Variants in DNAJC5B observed in about 807,000 individuals in gnomAD.
The protein encoded by DNAJC5B is dnaJ homolog subfamily C member 5B.
In DNAJC5B, 23 loss-of-function variants were observed where a neutral mutation model predicts 24.7. The ratio of observed to expected loss-of-function variants is 0.93; its 90% CI spans 0.67 to 1.32. The LOEUF (loss-of-function observed/expected upper bound fraction) is 1.32. Among genes scored for constraint, DNAJC5B ranks in the 40% most tolerant of loss-of-function variants. DNAJC5B has a pLI of 0.00. For synonymous variants in DNAJC5B, 101 were observed against 90.1 expected (o/e 1.12, Z -0.68); for missense variants, 238 against 240.8 (o/e 0.99, Z 0.08).
At chr8:66,020,037 AG>A (rs1806069980), upstream of DNAJC5B, among the ~76,000 whole-genome samples, 1 of 152,224 alleles carries the variant, frequency 6.6e-6, no homozygotes, top group African/African-American at 2.4e-5. Flanking sequence ...TGTTACTCAA[AG>A]GGTTGCTTAA....
At chr8:66,049,833 C>T (rs1806807962) in intron 2 of DNAJC5B, among the ~76,000 whole-genome samples, 1 of 152,234 alleles carries the variant, frequency 6.6e-6, no homozygotes, top group Non-Finnish European at 1.5e-5. Flanking sequence ...GAAAATTATG[C>T]TCCTCTGTGC....
At chr8:66,039,247 C>A (rs1806553982) in intron 1 of DNAJC5B, among the ~76,000 whole-genome samples, 1 of 152,136 alleles carries the variant, frequency 6.6e-6, no homozygotes, top group Non-Finnish European at 1.5e-5. Context: ...AAGCCAGAGT[C>A]CACTGTTCAC....
chr8:66,077,740 C>T (rs1456677282), intron 4 of DNAJC5B, among the ~76,000 whole-genome samples: 1 of 152,144 alleles, frequency 6.6e-6, no homozygotes, highest in Non-Finnish European at 1.5e-5. Flanking sequence ...CTAAATCTTG[C>T]TAAATTGAGT....
intron 5 of DNAJC5B, among the ~76,000 whole-genome samples, chr8:66,091,670 T>A (rs1461901659): frequency 6.6e-6 from 1 of 152,024 alleles, no homozygotes; most frequent in Admixed American, 6.6e-5. Flanking sequence ...ACCATCAAAA[T>A]GAAACATGAT....
At chr8:66,071,713 G>T (rs1807353273) in intron 3 of DNAJC5B, among the ~76,000 whole-genome samples, 2 of 152,078 alleles carry the variant, frequency 1.3e-5, no homozygotes, top group Non-Finnish European at 2.9e-5. Flanking sequence ...TATACCCAAA[G>T]GATTATAAAT....
At position 66,100,225 on chromosome 8, in the gene DNAJC5B, A is replaced by C. The variant is rs2128967845; in HGVS notation, c.*194A>C. ...TTCTCTCTGAGTAGAATTTCTTATGAAACACATTCAATTTGGGTGAATAAA... is the reference window on the plus strand; with the variant it reads ...TTCTCTCTGAGTAGAATTTCTTATGCAACACATTCAATTTGGGTGAATAAA... On this transcript the variant is annotated 3_prime_UTR_variant, in exon 6 of 6. Transcript: ENST00000276570. 1.9e-6 allele frequency: 1 copy of C among 520,228 alleles called. No homozygotes were observed. The highest frequency in any genetic ancestry group is 3.1e-5 in the East Asian group (1 of 32,228). 32.2% of individuals were successfully genotyped at this position (520,228 alleles called of 1,614,324 possible).
intron 5 of DNAJC5B, among the ~76,000 whole-genome samples, chr8:66,081,673 G>A (rs1307148618): frequency 6.6e-6 from 1 of 152,078 alleles, no homozygotes; most frequent in African/African-American, 2.4e-5. Context: ...AGAGGAAGGG[G>A]TCTTCAATCA....
rs1586126076 is a variant in DNAJC5B at position 66,099,979 on chromosome 8, A to C, written c.548A>C (p.Glu183Ala). 1 of 1,614,086 alleles carries C rather than the reference A, an allele frequency of 6.2e-7. No individual in the cohort carries two copies. The highest frequency in any genetic ancestry group is 8.5e-7 in the Non-Finnish European group (1 of 1,179,958). Reference sequence around the variant, plus strand: ...TTTCTCCAGCCTACAAATGCAAATGAGAAAACACAGCTAATCAAAGAAGGA... The same window carrying C: ...TTTCTCCAGCCTACAAATGCAAATGCGAAAACACAGCTAATCAAAGAAGGA... ...PVFLQPTNAN[E>A]KTQLIKEGSR... is the part of the protein sequence containing the mutation. The change falls in exon 6 of 6, where the codon GAG becomes GCG. Residue 183 changes from glutamate (E) to alanine (A), a missense_variant. By Grantham distance (107) the Glu-to-Ala change is moderately radical. Transcript: ENST00000276570.
intron 3 of DNAJC5B, chr8:66,057,455 T>C (rs1476981554): frequency 6.6e-6 from 1 of 152,102 alleles, no homozygotes; most frequent in Admixed American, 6.5e-5. Flanking sequence ...AGATCCAACA[T>C]TTATAGCATT....
intron 5 of DNAJC5B, among the ~76,000 whole-genome samples, chr8:66,097,377 GAAC>G (rs1183313480): frequency 6.6e-6 from 1 of 151,538 alleles, no homozygotes; most frequent in Non-Finnish European, 1.5e-5. Flanking sequence ...CCCTCCTCTT[GAAC>G]AATACAAGAA....
chr8:66,021,835 G>C (rs929886172), intron 1 of DNAJC5B, 130 bp downstream of exon 1: 11 of 152,254 alleles, frequency 7.2e-5, no homozygotes, highest in Admixed American at 7.2e-4. Flanking sequence ...CAGCCAGGCT[G>C]CTTGCCATGA....
intron 5 of DNAJC5B, 65 bp from the exon 6 acceptor site, chr8:66,099,872 C>T: frequency 2.1e-6 from 3 of 1,431,128 alleles, no homozygotes; most frequent in South Asian, 1.2e-5. Flanking sequence ...ATACCTATCA[C>T]TTGCTTCATT....
At chr8:66,031,900 T>G (rs546281591) in intron 1 of DNAJC5B, among the ~76,000 whole-genome samples, 5 of 152,244 alleles carry the variant, frequency 3.3e-5, no homozygotes, top group African/African-American at 4.8e-5. Flanking sequence ...ATCTGGGCAC[T>G]CTGCAGCCTA....
At chr8:66,091,586 G>T (rs892143402) in intron 5 of DNAJC5B, among the ~76,000 whole-genome samples, 1 of 152,114 alleles carries the variant, frequency 6.6e-6, no homozygotes, top group Non-Finnish European at 1.5e-5. Flanking sequence ...TCAAGTAATC[G>T]AATGAAGCAG....
rs538253108 is a variant in DNAJC5B, at chr8:66,023,161, C to G, written c.-142+1456C>G. Among the ~76,000 whole-genome samples, 28 of 152,288 alleles carry G rather than the reference C, an allele frequency of 1.8e-4. 1 individual carries two copies. In the East Asian group the frequency reaches 5.0e-3, roughly 27 times the overall value. On this transcript the variant is annotated intron_variant, in intron 1 of 5. Transcript: ENST00000276570. ...AAGTGTCTCAGCTAAGGGTATCAAGCTAGTTAGTGCTGGGGACTAAAGTTT... is the reference window on the plus strand; with the variant it reads ...AAGTGTCTCAGCTAAGGGTATCAAGGTAGTTAGTGCTGGGGACTAAAGTTT...
intron 3 of DNAJC5B, among the ~76,000 whole-genome samples, chr8:66,074,909 C>T (rs774528718): frequency 5.9e-5 from 9 of 152,150 alleles, no homozygotes; most frequent in Non-Finnish European, 1.0e-4. Context: ...TTCCAGCTCT[C>T]CGAATTTGCC....
chr8:66,083,423 T>A (rs1255853110), intron 5 of DNAJC5B, among the ~76,000 whole-genome samples: 1 of 152,216 alleles, frequency 6.6e-6, no homozygotes, highest in African/African-American at 2.4e-5. Flanking sequence ...GCTTTACAAC[T>A]CATTATTGAT....
chr8:66,093,044 C>G (rs1453589546), intron 5 of DNAJC5B, among the ~76,000 whole-genome samples: 1 of 152,080 alleles, frequency 6.6e-6, no homozygotes, highest in Non-Finnish European at 1.5e-5. Flanking sequence ...TCAGCGTTGT[C>G]CTTCTGAGAT....
At chr8:66,083,868 A>G (rs1807659728) in intron 5 of DNAJC5B, among the ~76,000 whole-genome samples, 1 of 152,192 alleles carries the variant, frequency 6.6e-6, no homozygotes, top group African/African-American at 2.4e-5. Context: ...TCAGACAGAG[A>G]AATGTGATGG....
Sources: gnomAD v4.1 joint callset for allele counts (sites outside exome capture counted in the v4.1 genomes callset) on GRCh38, gnomAD v4.1.1 for gene constraint, MANE v1.5 for transcripts, NCBI Gene and HGNC (gene_info 2026-07-23, HGNC 2026-07-21) for gene names.